The following DNM3 variants were observed in gnomAD, a reference collection of about 807,000 sequenced individuals.
The protein encoded by DNM3 is dynamin 3, also known as dynamin-3.
Under a neutral mutation model 101.6 loss-of-function variants are expected in DNM3, and 47 were observed. That is an observed-to-expected ratio of 0.46 (90% CI 0.37 to 0.59). The LOEUF (loss-of-function observed/expected upper bound fraction) is 0.59, where lower values mean the gene tolerates loss of function less well. Ranked by LOEUF, DNM3 falls within the 20% of genes least tolerant of loss-of-function variation. The probability of loss-of-function intolerance (pLI) is 0.00; values close to 1 mark genes in which losing one functional copy is unlikely to be tolerated. For synonymous variants in DNM3, 385 were observed against 387.9 expected (o/e 0.99, Z 0.09); for missense variants, 849 against 1,085.7 (o/e 0.78, Z 3.06).
rs566910703 is a variant in DNM3 at position 172,047,520 on chromosome 1, G to A, written c.1197-1092G>A. On this transcript the variant is annotated intron_variant, in intron 9 of 20. Transcript: ENST00000627582. ...GCAAATTGACTGAAACATAGGGTAC[G>A]TGAAAGGTGAGGAGAAAAATAACTG... is the stretch of plus-strand genomic sequence containing the variant. 1.3e-3 allele frequency among the ~76,000 whole-genome samples: 191 copies of A among 152,280 alleles called. 1 individual carries two copies. Among genetic ancestry groups the A allele is most frequent in the African/African-American group, 4.5e-3 (188 of 41,558 alleles).
Position 172,329,815 on chromosome 1 carries a change from G to A in DNM3, c.1893+6475G>A, listed in dbSNP as rs114356939. Among the ~76,000 whole-genome samples the A allele has an allele frequency of 4.8e-3, 723 of 152,102 alleles. 6 individuals are homozygous for A. The highest frequency in any genetic ancestry group is 0.02 in the Middle Eastern group (6 of 294). On this transcript the variant is annotated intron_variant, in intron 17 of 20. Transcript: ENST00000627582. Reference sequence around the variant, plus strand: ...CTACCTACTAGGAAAAAAGGAAGGGGGCCAAATCAATAGAGCATTTAGAAG... The same window carrying A: ...CTACCTACTAGGAAAAAAGGAAGGGAGCCAAATCAATAGAGCATTTAGAAG...
intron 14 of DNM3, among the ~76,000 whole-genome samples, chr1:172,168,966 A>G (rs1025995664): frequency 1.8e-4 from 27 of 151,952 alleles, no homozygotes; most frequent in African/African-American, 6.0e-4. Flanking sequence ...TAAGACGAAC[A>G]TGGTCCTTTT....
At chr1:171,905,063 T>A (rs1438530067) in intron 1 of DNM3, among the ~76,000 whole-genome samples, 1 of 152,238 alleles carries the variant, frequency 6.6e-6, no homozygotes, top group Non-Finnish European at 1.5e-5. Flanking sequence ...TGGCTGACTC[T>A]TAGCTTTGAA....
chr1:171,873,347 A>G (rs1297326037), intron 1 of DNM3, among the ~76,000 whole-genome samples: 1 of 152,188 alleles, frequency 6.6e-6, no homozygotes, highest in East Asian at 1.9e-4. Flanking sequence ...AAAACCCTGA[A>G]TTCAGCAGAC....
At chr1:172,077,091 G>A (rs768540616) in intron 11 of DNM3, among the ~76,000 whole-genome samples, 4 of 152,120 alleles carry the variant, frequency 2.6e-5, no homozygotes, top group Non-Finnish European at 5.9e-5. Flanking sequence ...AGATTTTCTA[G>A]TTTATTTGCA....
At chr1:172,230,825 C>T (rs1465179585) in intron 14 of DNM3, among the ~76,000 whole-genome samples, 1 of 152,096 alleles carries the variant, frequency 6.6e-6, no homozygotes, top group African/African-American at 2.4e-5. Context: ...TAACTTCTCC[C>T]TCCATCTTAG....
At chr1:171,942,329 G>A (rs1041847737) in intron 2 of DNM3, among the ~76,000 whole-genome samples, 2 of 148,266 alleles carry the variant, frequency 1.3e-5, no homozygotes, top group South Asian at 4.3e-4. Context: ...GGAACCATAT[G>A]TTAAGTCCTA....
chr1:172,227,784 C>T (rs2061189694), intron 14 of DNM3, among the ~76,000 whole-genome samples: 1 of 152,092 alleles, frequency 6.6e-6, no homozygotes, highest in African/African-American at 2.4e-5. Flanking sequence ...ATCCACCCCT[C>T]CTCCAAAAGG....
rs150650987 is a variant in DNM3, at chr1:172,308,628, A to G, written c.1770-100A>G. 2.0e-3 allele frequency: 1,002 copies of G among 497,978 alleles called. 7 individuals are homozygous for G. Among genetic ancestry groups the G allele is most frequent in the African/African-American group, 0.016 (799 of 50,322 alleles). 30.8% of individuals were successfully genotyped at this position (497,978 alleles called of 1,614,324 possible). On this transcript the variant is annotated intron_variant, in intron 15 of 20. Transcript: ENST00000627582. ...CTTCAGTGACTGTCAGAAACTGTCC[A>G]TTTGGATTGTCACTTACATCATCAT...
intron 15 of DNM3, among the ~76,000 whole-genome samples, chr1:172,292,796 A>G (rs1198145222): frequency 2.0e-5 from 3 of 152,234 alleles, no homozygotes; most frequent in Non-Finnish European, 4.4e-5. Flanking sequence ...CAAGTTTACT[A>G]TTTAAAAAAA....
At chr1:172,346,400 G>A (rs944865228) in intron 17 of DNM3, among the ~76,000 whole-genome samples, 2 of 152,196 alleles carry the variant, frequency 1.3e-5, no homozygotes, top group African/African-American at 4.8e-5. Context: ...AGAGCAAATC[G>A]TGCTGGGCCT....
intron 15 of DNM3, among the ~76,000 whole-genome samples, chr1:172,266,755 C>T (rs778217466): frequency 1.3e-5 from 2 of 152,070 alleles, no homozygotes; most frequent in Non-Finnish European, 2.9e-5. Context: ...GGTCATCTTT[C>T]CAGTAGAGGT....
chr1:171,891,347 TA>T (rs11367825), intron 1 of DNM3, among the ~76,000 whole-genome samples: 24,865 of 144,666 alleles, frequency 0.17, 2,338 homozygotes, highest in East Asian at 0.48. Context: ...GGGCAAGTGC[TA>T]AAAAAAAAAA....
chr1:171,950,467 A>C (rs929203899), intron 2 of DNM3, among the ~76,000 whole-genome samples: 1 of 152,170 alleles, frequency 6.6e-6, no homozygotes, highest in Non-Finnish European at 1.5e-5. Flanking sequence ...CACTAATGAA[A>C]GTGTTCTGAG....
At chr1:172,309,376 A>G (rs992927991) in intron 16 of DNM3, 10 of 152,318 alleles carry the variant, frequency 6.6e-5, no homozygotes, top group African/African-American at 2.4e-4. Context: ...CTTTATTAAT[A>G]TGCTTCACGT....
chr1:172,007,535 T>C (rs1371758109), intron 4 of DNM3, among the ~76,000 whole-genome samples: 1 of 152,232 alleles, frequency 6.6e-6, no homozygotes, highest in South Asian at 2.1e-4. Flanking sequence ...CTGATACAAA[T>C]CTTTCATTAT....
chr1:172,184,059 T>A (rs568486374), intron 14 of DNM3, among the ~76,000 whole-genome samples: 150 of 152,110 alleles, frequency 9.9e-4, no homozygotes, highest in African/African-American at 3.5e-3. Context: ...ATTAGTTGCT[T>A]TATCTCAATT....
chr1:171,864,450 C>G (rs746097228), intron 1 of DNM3: 2 of 152,218 alleles, frequency 1.3e-5, no homozygotes, highest in Non-Finnish European at 1.5e-5. Context: ...AGGACAAGAC[C>G]TGGTAACTGG....
Position 172,395,515 on chromosome 1 carries a change from A to G in DNM3, c.2522+6706A>G, listed in dbSNP as rs149251797. On this transcript the variant is annotated intron_variant, in intron 20 of 20. Transcript: ENST00000627582. ...ACGTTTACTAGAGTTGCTTTAGCCA[A>G]TAAGAGCCAGGAAATTAAAAATGAA... Among the ~76,000 whole-genome samples the G allele has an allele frequency of 7.4e-3, 1,130 of 152,318 alleles. 13 individuals are homozygous for G. Among genetic ancestry groups the G allele is most frequent in the African/African-American group, 0.025 (1,046 of 41,578 alleles).
Sources: gnomAD v4.1 joint callset for allele counts (sites outside exome capture counted in the v4.1 genomes callset) on GRCh38, gnomAD v4.1.1 for gene constraint, MANE v1.5 for transcripts, NCBI Gene and HGNC (gene_info 2026-07-23, HGNC 2026-07-21) for gene names.